The following CCDC141 variants were observed in gnomAD, a reference collection of about 807,000 sequenced individuals.
The protein encoded by CCDC141 is coiled-coil domain-containing protein 141.
Under a neutral mutation model 181.0 loss-of-function variants are expected in CCDC141, and 168 were observed. The ratio of observed to expected loss-of-function variants is 0.93; its 90% CI spans 0.82 to 1.05. CCDC141 has a LOEUF of 1.05. Among genes scored for constraint, CCDC141 ranks in the 50% least tolerant of loss-of-function variants. CCDC141 has a pLI of 0.00. For synonymous variants in CCDC141, 666 were observed against 642.3 expected, an observed-to-expected ratio of 1.04 and a Z score of -0.56; for missense variants, 1,902 against 1,788.5, an observed-to-expected ratio of 1.06 and a Z score of -1.14.
chr2:178,997,596 TG>T (rs1405841635), intron 2 of CCDC141, among the ~76,000 whole-genome samples: 5 of 152,120 alleles, frequency 3.3e-5, no homozygotes, highest in Non-Finnish European at 5.9e-5. Flanking sequence ...AGTTGTCACG[TG>T]TGTGTAGTAG....
At chr2:178,853,319 C>T (rs1489254072) in intron 20 of CCDC141, 122 bp downstream of exon 20, 7 of 802,908 alleles carry the variant, frequency 8.7e-6, no homozygotes, top group South Asian at 3.8e-5. Flanking sequence ...TGAACATTTT[C>T]CCTGAATACA....
At chr2:178,855,235 C>A in intron 19 of CCDC141, 112 bp downstream of exon 19, 1 of 813,200 alleles carries the variant, frequency 1.2e-6, no homozygotes, top group Non-Finnish European at 1.9e-6. Flanking sequence ...TGAAAAGGAG[C>A]ATGATACATG....
chr2:178,875,304 C>G (rs745733601), intron 12 of CCDC141: 1 of 152,274 alleles, frequency 6.6e-6, no homozygotes, highest in Admixed American at 6.6e-5. Flanking sequence ...GTGGTTCATG[C>G]CTGTAATCCC....
intron 6 of CCDC141, among the ~76,000 whole-genome samples, chr2:178,936,988 T>C (rs981188069): frequency 2.0e-5 from 3 of 152,158 alleles, no homozygotes; most frequent in African/African-American, 4.8e-5. Context: ...AAGGAGCTTT[T>C]GACCGAGACT....
At chr2:178,867,797 A>T (rs989820980) in intron 16 of CCDC141, among the ~76,000 whole-genome samples, 10 of 152,036 alleles carry the variant, frequency 6.6e-5, no homozygotes, top group South Asian at 2.1e-4. Flanking sequence ...CTCTTTAAAA[A>T]TTTTTTTTCA....
At chr2:178,964,293 G>A (rs987259702) in intron 4 of CCDC141, among the ~76,000 whole-genome samples, 4 of 151,992 alleles carry the variant, frequency 2.6e-5, no homozygotes, top group Admixed American at 6.6e-5. Context: ...GCCCACACAC[G>A]AGAAGTTTGG....
intron 6 of CCDC141, among the ~76,000 whole-genome samples, chr2:178,923,096 A>ATTTTTTTTTTTTTTTTTTTT (rs757686549): frequency 2.2e-5 from 3 of 137,816 alleles, no homozygotes; most frequent in Non-Finnish European, 3.1e-5. Flanking sequence ...CCACCAGTTT[A>ATTTTTTTTTTTTTTTTTTTT]TTTTTTTTTT....
chr2:178,862,511 T>A lies in CCDC141; in HGVS notation c.2724+3256A>T, dbSNP rs150882919. ...TAAAGAATGATGTTTCTGTGTCATG[T>A]AATATGGCAGAGAATATGTCTACTG... is the stretch of plus-strand genomic sequence containing the variant. On this transcript the variant is annotated intron_variant, in intron 17 of 23. Coordinates refer to ENST00000443758, the MANE Select transcript of CCDC141 (RefSeq NM_173648.4). Among the ~76,000 whole-genome samples the A allele has an allele frequency of 2.1e-3, 321 of 152,364 alleles. 2 individuals are homozygous for A. Among genetic ancestry groups the A allele is most frequent in the Non-Finnish European group, 3.6e-3 (248 of 68,028 alleles).
At chr2:178,852,226 A>C (rs951723697) in intron 20 of CCDC141, among the ~76,000 whole-genome samples, 6 of 152,196 alleles carry the variant, frequency 3.9e-5, no homozygotes, top group South Asian at 2.1e-4. Flanking sequence ...GCAGGACGGG[A>C]AGGGAATTTA....
chr2:179,009,635 C>T (rs2042210565), intron 2 of CCDC141, among the ~76,000 whole-genome samples: 1 of 137,588 alleles, frequency 7.3e-6, no homozygotes, highest in Non-Finnish European at 1.5e-5. Context: ...GTCTCTCAAC[C>T]TTAGATACCA....
chr2:178,851,130 CG>C (rs1685147534), intron 20 of CCDC141, among the ~76,000 whole-genome samples: 1 of 149,348 alleles, frequency 6.7e-6, no homozygotes, highest in South Asian at 2.1e-4. Context: ...CACTTGAACC[CG>C]GGAGGTGGAG....
intron 5 of CCDC141, among the ~76,000 whole-genome samples, chr2:178,955,451 G>A (rs942844914): frequency 1.2e-4 from 18 of 151,806 alleles, no homozygotes; most frequent in African/African-American, 2.4e-4. Flanking sequence ...TTAAGAAATC[G>A]AAGCAACTCT....
intron 2 of CCDC141, among the ~76,000 whole-genome samples, chr2:178,981,636 G>GTATATATATATATATGTATATATATATA (rs1553495301): frequency 1.6e-5 from 1 of 62,404 alleles, no homozygotes; most frequent in Non-Finnish European, 3.2e-5. Flanking sequence ...GTGTGTGTGT[G>GTATATATATATATATGTATATATATATA]TATATATATA....
At chr2:178,964,572 T>C (rs1338626595) in intron 4 of CCDC141, among the ~76,000 whole-genome samples, 2 of 152,216 alleles carry the variant, frequency 1.3e-5, no homozygotes, top group African/African-American at 2.4e-5. Context: ...CATTAACTTG[T>C]AAAATGTATC....
chr2:178,981,959 G>A (rs533865385), intron 2 of CCDC141, among the ~76,000 whole-genome samples: 3 of 151,376 alleles, frequency 2.0e-5, no homozygotes, highest in Non-Finnish European at 2.9e-5. Context: ...ATGAAAAAGG[G>A]TCCATAACTA....
intron 2 of CCDC141, among the ~76,000 whole-genome samples, chr2:179,033,616 A>G (rs936537255): frequency 3.3e-5 from 5 of 152,090 alleles, no homozygotes; most frequent in Non-Finnish European, 7.4e-5. Flanking sequence ...TATCTCTGTC[A>G]TTTTCATTTA....
rs571112183 is a variant in CCDC141 at position 179,012,542 on chromosome 2, A to G, written c.226-33867T>C. On this transcript the variant is annotated intron_variant, in intron 2 of 23. Coordinates refer to ENST00000443758, the MANE Select transcript of CCDC141 (RefSeq NM_173648.4). ...CACAGCAGAATTATACCACACATTC[A>G]AAGAAGAATTGGTACCAATCCTTTT... Among the ~76,000 whole-genome samples, 443 of 152,286 alleles carry G rather than the reference A, an allele frequency of 2.9e-3. 4 individuals are homozygous for G. Among genetic ancestry groups the G allele is most frequent in the African/African-American group, 0.01 (429 of 41,556 alleles).
At chr2:178,976,371 T>A (rs1255118296) in intron 3 of CCDC141, among the ~76,000 whole-genome samples, 1 of 152,224 alleles carries the variant, frequency 6.6e-6, no homozygotes. Context: ...ATTCTTAATA[T>A]TTTAATGTAA....
At chr2:179,042,364 T>C (rs770035928) in intron 2 of CCDC141, among the ~76,000 whole-genome samples, 10 of 152,182 alleles carry the variant, frequency 6.6e-5, no homozygotes, top group Non-Finnish European at 5.9e-5. Flanking sequence ...ATTCTTTTTT[T>C]TGACAGTCTT....
Sources: allele counts gnomAD v4.1 joint callset (sites outside exome capture counted in the v4.1 genomes callset), GRCh38; gene constraint gnomAD v4.1.1; transcripts MANE v1.5; gene names NCBI Gene and HGNC (gene_info 2026-07-23, HGNC 2026-07-21).